Variants in ZZEF1 observed in about 807,000 individuals in gnomAD.
ZZEF1 encodes the protein zinc finger ZZ-type and EF-hand domain-containing protein 1.
In ZZEF1, 157 loss-of-function variants were observed where a neutral mutation model predicts 342.8. The ratio of observed to expected loss-of-function variants is 0.46; its 90% CI spans 0.40 to 0.52. The LOEUF (loss-of-function observed/expected upper bound fraction) is 0.52, where lower values mean the gene tolerates loss of function less well. ZZEF1 is among the 20% of genes least tolerant of loss of function. ZZEF1 has a pLI of 0.00. For missense variants in ZZEF1, 3,480 were observed against 3,725.6 expected (o/e 0.93, Z 1.72); for synonymous variants, 1,505 against 1,429.1 (o/e 1.05, Z -1.20).
At chr17:4,018,196 A>G (rs2056167186) in intron 46 of ZZEF1, among the ~76,000 whole-genome samples, 1 of 152,130 alleles carries the variant, frequency 6.6e-6, no homozygotes, top group Admixed American at 6.5e-5. Context: ...TGCAAAATCC[A>G]TTCTCCTTTT....
Position 4,034,204 on chromosome 17 carries a change from G to GT in ZZEF1, c.6394dup (p.Thr2132AsnfsTer56). 6.2e-7 allele frequency: 1 copy of GT among 1,614,224 alleles called. No homozygotes were observed. The highest frequency in any genetic ancestry group is 8.5e-7 in the Non-Finnish European group (1 of 1,180,044). On this transcript the variant is annotated frameshift_variant, in exon 40 of 55. Coordinates refer to ENST00000381638, the MANE Select transcript of ZZEF1 (RefSeq NM_015113.4). LOFTEE classifies it high-confidence loss of function. ...GAGAAGACCCAGGGTGAGATGGTAG[G>GT]TTTCATTCAGGTGGCCTGCGTTTGA...
intron 1 of ZZEF1, among the ~76,000 whole-genome samples, chr17:4,139,747 T>A (rs945479384): frequency 3.9e-5 from 6 of 152,248 alleles, no homozygotes; most frequent in African/African-American, 1.2e-4. Flanking sequence ...TTTTAAACCT[T>A]GGCTAAGCCT....
chr17:4,050,342 TC>T (rs2057018383), intron 36 of ZZEF1, among the ~76,000 whole-genome samples: 1 of 152,168 alleles, frequency 6.6e-6, no homozygotes, highest in Non-Finnish European at 1.5e-5. Flanking sequence ...GTTGCTTTCT[TC>T]CCACCACTCC....
intron 18 of ZZEF1, among the ~76,000 whole-genome samples, chr17:4,078,643 T>C (rs8081260): frequency 0.18 from 27,116 of 152,216 alleles, 2,465 homozygotes; most frequent in East Asian, 0.18. Flanking sequence ...TGAAAAGGCA[T>C]GTGGATGGAG....
chr17:4,104,037 G>A (rs569798833), intron 8 of ZZEF1, among the ~76,000 whole-genome samples: 23 of 152,338 alleles, frequency 1.5e-4, no homozygotes, highest in African/African-American at 4.1e-4. Context: ...CTGCACTGCA[G>A]TCTTTTGGGA....
chr17:4,024,117 A>ATC (rs2144999949), intron 43 of ZZEF1, among the ~76,000 whole-genome samples: 1 of 149,184 alleles, frequency 6.7e-6, no homozygotes, highest in East Asian at 2.0e-4. Context: ...ATTCCTCCCA[A>ATC]TCGCTGCCTC....
At chr17:4,045,576 A>G (rs1465740190) in intron 37 of ZZEF1, among the ~76,000 whole-genome samples, 2 of 152,296 alleles carry the variant, frequency 1.3e-5, no homozygotes, top group South Asian at 2.1e-4. Flanking sequence ...AGATGAAGCT[A>G]TTTTATTGCT....
intron 9 of ZZEF1, among the ~76,000 whole-genome samples, chr17:4,099,809 T>C (rs1247869265): frequency 6.6e-6 from 1 of 152,026 alleles, no homozygotes; most frequent in African/African-American, 2.4e-5. Flanking sequence ...GCCTCCCAAA[T>C]TGCTGGGATT....
intron 42 of ZZEF1, among the ~76,000 whole-genome samples, chr17:4,029,447 A>T (rs893321841): frequency 1.3e-5 from 2 of 151,760 alleles, no homozygotes; most frequent in Non-Finnish European, 2.9e-5. Context: ...AATATATCAT[A>T]AAAAAAAATT....
At chr17:4,097,476 G>GA (rs1190162683) in intron 9 of ZZEF1, among the ~76,000 whole-genome samples, 2 of 113,954 alleles carry the variant, frequency 1.8e-5, no homozygotes, top group African/African-American at 3.3e-5. Context: ...CTTTGAAATG[G>GA]GAAAAAAAAA....
chr17:4,032,039 G>C, intron 42 of ZZEF1, 87 bp downstream of exon 42: 1 of 1,435,472 alleles, frequency 7.0e-7, no homozygotes, highest in Admixed American at 2.3e-5. Context: ...CGCAGGCCAA[G>C]AGCCAAGGTA....
In ZZEF1 at chr17:4,067,171, T is replaced by C; in HGVS notation, c.4147A>G (p.Ile1383Val). ...QVYSLADGIR[I>V]WMLEMKQKSL... is the part of the protein sequence containing the mutation. Reference sequence around the variant, plus strand: ...TGCAAAGAAAATCTTACCATCCATATTCGAATCCCATCTGCCAAGGAATAA... The same window carrying C: ...TGCAAAGAAAATCTTACCATCCATACTCGAATCCCATCTGCCAAGGAATAA... Residue 1383 changes from isoleucine (I) to valine (V), a missense_variant, in exon 27 of 55, where the codon ATA becomes GTA. By Grantham distance (29) the Ile-to-Val change is conservative (BLOSUM62 3). Transcript: ENST00000381638. 1 of 1,612,922 alleles carries C rather than the reference T, an allele frequency of 6.2e-7. No individual in the cohort carries two copies. The highest frequency in any genetic ancestry group is 8.5e-7 in the Non-Finnish European group (1 of 1,179,544).
At chr17:4,077,762 A>G in intron 19 of ZZEF1, 121 bp downstream of exon 19, 4 of 1,077,496 alleles carry the variant, frequency 3.7e-6, no homozygotes, top group Middle Eastern at 4.2e-4. Context: ...CCAGTCCAAG[A>G]ATCTGAATCG....
intron 44 of ZZEF1, among the ~76,000 whole-genome samples, chr17:4,021,933 GTTTT>G (rs932241935): frequency 1.4e-5 from 2 of 146,652 alleles, no homozygotes; most frequent in African/African-American, 5.0e-5. Flanking sequence ...AGTTTGGAGG[GTTTT>G]TTTTTTTCTT....
At chr17:4,061,130 T>A (rs2057278627) in intron 30 of ZZEF1, among the ~76,000 whole-genome samples, 1 of 152,274 alleles carries the variant, frequency 6.6e-6, no homozygotes, top group Non-Finnish European at 1.5e-5. Context: ...ATGGCTCCAG[T>A]AAGACTGCTG....
chr17:4,142,855 G>A lies in ZZEF1; in HGVS notation c.41C>T (p.Ala14Val). 2.9e-6 allele frequency: 4 copies of A among 1,394,626 alleles called. No homozygotes were observed. Among genetic ancestry groups the A allele is most frequent in the South Asian group, 1.6e-5 (1 of 60,784 alleles). 86.4% of individuals were successfully genotyped at this position (1,394,626 alleles called of 1,614,324 possible). Reference protein sequence around the residue: ...APSHSSEDEAAAAGGEGWGPH... With the variant: ...APSHSSEDEAVAAGGEGWGPH... Reference sequence around the variant, plus strand: ...GCCCCAGCCCTCGCCACCGGCAGCTGCCGCTTCGTCTTCACTGCTGTGACT... The same window carrying A: ...GCCCCAGCCCTCGCCACCGGCAGCTACCGCTTCGTCTTCACTGCTGTGACT... Residue 14 changes from alanine to valine, a missense_variant, in exon 1 of 55, where the codon GCA becomes GTA. Around this residue, in one of 5 missense-constraint regions of ZZEF1, gnomAD observed 416 missense variants for 374.2 expected, o/e 1.11. Transcript: ENST00000381638.
At chr17:4,071,089 A>T (rs2057500363) in intron 25 of ZZEF1, among the ~76,000 whole-genome samples, 165 bp from the exon 26 acceptor site, 1 of 152,054 alleles carries the variant, frequency 6.6e-6, no homozygotes. Flanking sequence ...TTAAAAAAAG[A>T]TAAACATAAA....
At position 4,014,617 on chromosome 17, in the gene ZZEF1, A is replaced by G; in HGVS notation, c.8146-102T>C. On this transcript the variant is annotated intron_variant, in intron 49 of 54. Transcript: ENST00000381638. The surrounding 1 kb of genome is among the most constrained non-coding windows in gnomAD (Gnocchi z 4.4). Reference sequence around the variant, plus strand: ...CTGTGGCTGGACCCGGGTGTGTGAGAATGAGTGAACCACAGCCCTGGCCTC... The same window carrying G: ...CTGTGGCTGGACCCGGGTGTGTGAGGATGAGTGAACCACAGCCCTGGCCTC... The G allele has an allele frequency of 7.9e-7, 1 of 1,270,750 alleles. No homozygotes were observed. Among genetic ancestry groups the G allele is most frequent in the Non-Finnish European group, 1.1e-6 (1 of 888,806 alleles). The allele number at this position is 1,270,750 out of a possible 1,614,324, so 78.7% of individuals were successfully genotyped here. A position where few individuals can be genotyped will look rare whatever the true frequency, so the allele number is the denominator to read the frequency against.
At chr17:4,009,449 C>T (rs117464936) in intron 53 of ZZEF1, 155 bp downstream of exon 53, 19,507 of 1,037,566 alleles carry the variant, frequency 0.019, 222 homozygotes, top group Non-Finnish European at 0.023. Flanking sequence ...CTGGGAGAGG[C>T]GAGAGCCTCA....
Sources: allele counts gnomAD v4.1 joint callset (sites outside exome capture counted in the v4.1 genomes callset), GRCh38; gene constraint gnomAD v4.1.1; regional missense constraint gnomAD v4.1.1; non-coding constraint Gnocchi (gnomAD v3.1); transcripts MANE v1.5; gene names NCBI Gene and HGNC (gene_info 2026-07-23, HGNC 2026-07-21).